Variants in EHD4 observed in about 807,000 individuals in gnomAD.
The protein encoded by EHD4 is EH domain containing 4.
Under a neutral mutation model 51.0 loss-of-function variants are expected in EHD4, and 37 were observed. The observed-to-expected ratio is 0.73, with a 90% CI of 0.56 to 0.95. EHD4 has a LOEUF of 0.95. Ranked by LOEUF, EHD4 falls within the 40% of genes least tolerant of loss-of-function variation. The probability of loss-of-function intolerance (pLI) is 0.00; values close to 1 mark genes in which losing one functional copy is unlikely to be tolerated. For missense variants in EHD4, 632 were observed against 733.1 expected (o/e 0.86, Z 1.59); for synonymous variants, 297 against 317.3 (o/e 0.94, Z 0.68).
In EHD4 at chr15:41,933,418, C is replaced by T. The variant is rs181562369; in HGVS notation, c.511+9649G>A. Among the ~76,000 whole-genome samples, 6 of 152,288 alleles carry T rather than the reference C, an allele frequency of 3.9e-5. No homozygotes were observed. The East Asian group carries it at 7.7e-4, about 20-fold the overall frequency. ...CAGATCATTCAGATTCTCGTAAGAT[C>T]CCACTGTACGAGAGAAAGTACCTTC... is the stretch of plus-strand genomic sequence containing the variant. On this transcript the variant is annotated intron_variant, in intron 3 of 5. Coordinates refer to ENST00000220325, the MANE Select transcript of EHD4 (RefSeq NM_139265.4).
At chr15:41,944,550 G>A (rs1276650802) in intron 2 of EHD4, among the ~76,000 whole-genome samples, 1 of 152,194 alleles carries the variant, frequency 6.6e-6, no homozygotes, top group East Asian at 1.9e-4. Flanking sequence ...CTGGGTATGA[G>A]CGGCCGTTAC....
intron 3 of EHD4, among the ~76,000 whole-genome samples, chr15:41,932,126 C>A (rs1399372972): frequency 6.6e-6 from 1 of 152,178 alleles, no homozygotes; most frequent in Middle Eastern, 3.2e-3. Context: ...AGATTAGGAA[C>A]AGCCTGAATG....
chr15:41,941,153 C>T (rs2140998292), intron 3 of EHD4, among the ~76,000 whole-genome samples: 1 of 152,264 alleles, frequency 6.6e-6, no homozygotes, highest in South Asian at 2.1e-4. Flanking sequence ...TGTAAAGACA[C>T]ACATAAAAAG....
chr15:41,907,848 GTGTGTGTGTGTGTGTGTGTGTGTATA>G (rs1254742194), intron 5 of EHD4, among the ~76,000 whole-genome samples: 4 of 117,318 alleles, frequency 3.4e-5, no homozygotes, highest in African/African-American at 1.1e-4. Flanking sequence ...GTGTGTGTGT[GTGTGTGTGTGTGTGTGTGTGTGTATA>G]TATTTATTTA....
In EHD4 at chr15:41,957,393, G is replaced by A. The variant is rs567531181; in HGVS notation, c.237-3453C>T. Among the ~76,000 whole-genome samples the A allele has an allele frequency of 8.5e-5, 13 of 152,270 alleles. 1 individual carries two copies. In the South Asian group the frequency reaches 2.5e-3, roughly 29 times the overall value. The stretch of plus-strand genomic sequence containing the variant: ...TTGCGGAGTTGACCTCTAACAGCTC[G>A]TGCTGGTGTTATTTGAGGGCCTGTT... On this transcript the variant is annotated intron_variant, in intron 1 of 5. Coordinates refer to ENST00000220325, the MANE Select transcript of EHD4 (RefSeq NM_139265.4).
chr15:41,920,911 C>T (rs112673065), intron 3 of EHD4, among the ~76,000 whole-genome samples: 2,152 of 152,266 alleles, frequency 0.014, 55 homozygotes, highest in African/African-American at 0.05. Flanking sequence ...ATGTCAACAT[C>T]GATTGTGAGA....
rs1007754269 is a variant in EHD4 at position 41,896,995 on chromosome 15, T to C, written c.*3650A>G. The C allele has an allele frequency of 6.6e-6, 1 of 152,188 alleles. No individual in the cohort carries two copies. The highest frequency in any genetic ancestry group is 6.5e-5 in the Admixed American group (1 of 15,288). The allele number at this position is 152,188 out of a possible 1,614,324, so 9.4% of individuals were successfully genotyped here. A position where few individuals can be genotyped will look rare whatever the true frequency, so the allele number is the denominator to read the frequency against. Reference sequence around the variant, plus strand: ...CTCCGAGAGGCCAGCACGCAGCCACTGGAAAATGAGCCAGTGGGAGAGGGC... The same window carrying C: ...CTCCGAGAGGCCAGCACGCAGCCACCGGAAAATGAGCCAGTGGGAGAGGGC... On this transcript the variant is annotated 3_prime_UTR_variant, in exon 6 of 6. Coordinates refer to ENST00000220325, the MANE Select transcript of EHD4 (RefSeq NM_139265.4).
chr15:41,970,320 G>A lies in EHD4; in HGVS notation c.236+1939C>T, dbSNP rs147824328. Among the ~76,000 whole-genome samples, 114 of 152,302 alleles carry A rather than the reference G, an allele frequency of 7.5e-4. 2 individuals carry two copies. The East Asian group carries it at 0.02, about 27-fold the overall frequency. On this transcript the variant is annotated intron_variant, in intron 1 of 5. Coordinates refer to ENST00000220325, the MANE Select transcript of EHD4 (RefSeq NM_139265.4). ...CCACTTAGCTCAAGGAAAGCCTCAA[G>A]AACAAATGGCTTCCTAATAAGGTGA... is the stretch of plus-strand genomic sequence containing the variant.
intron 1 of EHD4, among the ~76,000 whole-genome samples, chr15:41,970,510 A>G (rs966595878): frequency 6.6e-6 from 1 of 152,274 alleles, no homozygotes; most frequent in Non-Finnish European, 1.5e-5. Flanking sequence ...GAGTGAGAAT[A>G]TAATGAGAGA....
At chr15:41,970,443 T>G (rs2067988270) in intron 1 of EHD4, among the ~76,000 whole-genome samples, 1 of 152,220 alleles carries the variant, frequency 6.6e-6, no homozygotes, top group Non-Finnish European at 1.5e-5. Flanking sequence ...TCAGAACCCT[T>G]CATAAAACTG....
intron 3 of EHD4, among the ~76,000 whole-genome samples, chr15:41,927,414 T>C (rs767525504): frequency 6.6e-6 from 1 of 152,240 alleles, no homozygotes; most frequent in Non-Finnish European, 1.5e-5. Flanking sequence ...GGACGCTTTA[T>C]GGCAACAGCC....
At chr15:41,935,812 T>C (rs944578280) in intron 3 of EHD4, among the ~76,000 whole-genome samples, 5 of 152,180 alleles carry the variant, frequency 3.3e-5, no homozygotes, top group Non-Finnish European at 4.4e-5. Context: ...CTGGGCTCAG[T>C]TGGGTTCTCG....
At chr15:41,906,998 C>T (rs1030850708) in intron 5 of EHD4, among the ~76,000 whole-genome samples, 1 of 152,208 alleles carries the variant, frequency 6.6e-6, no homozygotes, top group Non-Finnish European at 1.5e-5. Flanking sequence ...GTTGCCTTCC[C>T]CCAGCTCAGA....
At chr15:41,961,857 A>C (rs1292821094) in intron 1 of EHD4, among the ~76,000 whole-genome samples, 1 of 152,210 alleles carries the variant, frequency 6.6e-6, no homozygotes, top group Non-Finnish European at 1.5e-5. Flanking sequence ...AGACAAAGTA[A>C]TCATGAAGGT....
chr15:41,915,254 A>C (rs1233202577), intron 4 of EHD4, among the ~76,000 whole-genome samples: 1 of 152,158 alleles, frequency 6.6e-6, no homozygotes, highest in Non-Finnish European at 1.5e-5. Flanking sequence ...TTTTGATGAC[A>C]TTTAGTAGAG....
chr15:41,900,951 C>T lies in EHD4; in HGVS notation c.1320G>A (p.Glu440=), dbSNP rs1304288303. The change falls in exon 6 of 6, where the codon GAG becomes GAA. Residue 440 remains glutamate, a synonymous_variant. Transcript: ENST00000220325. This position sits in a 1 kb window ranked among gnomAD's most constrained non-coding sequence, Gnocchi z 4.8. ...GEGAKEGADE[E]EWVVAKDKPV... ...GCTTGTCTTTGGCCACGACCCACTCCTCCTCGTCGGCGCCCTCCTTGGCAC... is the reference window on the plus strand; with the variant it reads ...GCTTGTCTTTGGCCACGACCCACTCTTCCTCGTCGGCGCCCTCCTTGGCAC... 6.2e-7 allele frequency: 1 copy of T among 1,613,392 alleles called. No homozygotes were observed. Among genetic ancestry groups the T allele is most frequent in the African/African-American group, 1.3e-5 (1 of 74,938 alleles).
chr15:41,940,226 A>G (rs1434258733), intron 3 of EHD4, among the ~76,000 whole-genome samples: 1 of 152,182 alleles, frequency 6.6e-6, no homozygotes, highest in Non-Finnish European at 1.5e-5. Context: ...CAATGCCCAT[A>G]AGGGAGGCAA....
chr15:41,941,838 C>T (rs1315790408), intron 3 of EHD4: 1 of 152,082 alleles, frequency 6.6e-6, no homozygotes, highest in African/African-American at 2.4e-5. Context: ...GTCACGGGAC[C>T]CTCACTGGCC....
At chr15:41,963,262 C>T (rs1207467236) in intron 1 of EHD4, among the ~76,000 whole-genome samples, 2 of 150,478 alleles carry the variant, frequency 1.3e-5, no homozygotes, top group African/African-American at 2.4e-5. Context: ...AAATCCCCCC[C>T]TCGGAGAAAC....
Sources: allele counts gnomAD v4.1 joint callset (sites outside exome capture counted in the v4.1 genomes callset), GRCh38; gene constraint gnomAD v4.1.1; non-coding constraint Gnocchi (gnomAD v3.1); transcripts MANE v1.5; gene names NCBI Gene and HGNC (gene_info 2026-07-23, HGNC 2026-07-21).